TJP1: variants seen among roughly 807,000 people sequenced by gnomAD.
TJP1 encodes the protein tight junction protein 1, also known as tight junction protein ZO-1.
Under a neutral mutation model 194.2 loss-of-function variants are expected in TJP1, and 43 were observed. The ratio of observed to expected loss-of-function variants is 0.22; its 90% CI spans 0.17 to 0.29. The LOEUF (loss-of-function observed/expected upper bound fraction) is 0.29, where lower values mean the gene tolerates loss of function less well. Ranked by LOEUF, TJP1 falls within the 10% of genes least tolerant of loss-of-function variation. The pLI is 1.00. For synonymous variants in TJP1, 801 were observed against 779.0 expected, an observed-to-expected ratio of 1.03 and a Z score of -0.47; for missense variants, 1,971 against 2,185.7, an observed-to-expected ratio of 0.90 and a Z score of 1.96.
intron 2 of TJP1, among the ~76,000 whole-genome samples, chr15:29,831,550 T>G (rs2050836733): frequency 6.6e-6 from 1 of 152,196 alleles, no homozygotes; most frequent in South Asian, 2.1e-4. Flanking sequence ...AGGGCCTATA[T>G]AGGAAAAGAG....
intron 1 of TJP1, among the ~76,000 whole-genome samples, chr15:29,818,958 T>C (rs1291553947): frequency 2.0e-5 from 3 of 149,734 alleles, no homozygotes; most frequent in African/African-American, 4.9e-5. Context: ...GCTGGGATTA[T>C]AGGCACGCGC....
At chr15:29,801,106 C>T (rs1350021007) in intron 1 of TJP1, among the ~76,000 whole-genome samples, 2 of 152,178 alleles carry the variant, frequency 1.3e-5, no homozygotes, top group African/African-American at 4.8e-5. Context: ...CCTCTGAACA[C>T]AGTAATTATA....
intron 23 of TJP1, 87 bp from the exon 24 acceptor site, chr15:29,711,087 T>TAAA: frequency 8.7e-7 from 1 of 1,152,884 alleles, no homozygotes; most frequent in Non-Finnish European, 1.2e-6. Context: ...ATCTCTAAGT[T>TAAA]AAAAAAAAAA....
chr15:29,951,566 T>C (rs1227236231), intron 2 of TJP1, among the ~76,000 whole-genome samples: 1 of 152,198 alleles, frequency 6.6e-6, no homozygotes, highest in Non-Finnish European at 1.5e-5. Context: ...AGCAGTGACA[T>C]GTGATTTATT....
At chr15:29,792,239 A>G (rs1442773845) in intron 2 of TJP1, among the ~76,000 whole-genome samples, 2 of 152,212 alleles carry the variant, frequency 1.3e-5, no homozygotes, top group Non-Finnish European at 2.9e-5. Context: ...TAGTAGTCTC[A>G]TAACTTCAGG....
At chr15:29,705,426 A>G in intron 26 of TJP1, 102 bp downstream of exon 26, 1 of 1,206,660 alleles carries the variant, frequency 8.3e-7, no homozygotes, top group Non-Finnish European at 1.2e-6. Flanking sequence ...TCATCTGGAG[A>G]TAGAGAGGTG....
intron 26 of TJP1, 123 bp from the exon 27 acceptor site, chr15:29,704,428 C>A: frequency 8.8e-7 from 1 of 1,133,232 alleles, no homozygotes; most frequent in South Asian, 2.8e-5. Flanking sequence ...TCTCTACAGT[C>A]GCACTGACCA....
chr15:29,780,913 A>C (rs967810084), intron 2 of TJP1, among the ~76,000 whole-genome samples: 1 of 152,122 alleles, frequency 6.6e-6, no homozygotes, highest in Non-Finnish European at 1.5e-5. Flanking sequence ...TACATTAACA[A>C]CCTAACATCA....
rs2042061255 is a variant in TJP1 at position 29,708,779 on chromosome 15, C to T, written c.4630G>A (p.Glu1544Lys). The change falls in exon 25 of 28, where the codon GAA (glutamate) becomes AAA (lysine). Residue 1544 changes from glutamate to lysine, a missense_variant. Glu to Lys is a moderately conservative substitution (Grantham distance 56). Transcript: ENST00000614355. ...AGATTGTGATTGAATTTAGGACTTT[C>T]AAACTTGCGTTCAAATGGTCGGGCA... ...SSARPFERKF[E>K]SPKFNHNLLP... 6.2e-7 allele frequency: 1 copy of T among 1,614,076 alleles called. No individual in the cohort carries two copies. Among genetic ancestry groups the T allele is most frequent in the African/African-American group, 1.3e-5 (1 of 74,916 alleles).
At chr15:29,932,052 T>C (rs780955579) in intron 2 of TJP1, among the ~76,000 whole-genome samples, 60 of 152,198 alleles carry the variant, frequency 3.9e-4, no homozygotes, top group Non-Finnish European at 7.6e-4. Context: ...GCTTCTTTAC[T>C]GCAACCTGTT....
chr15:29,745,385 C>T (rs753031695), intron 8 of TJP1, among the ~76,000 whole-genome samples: 5 of 149,048 alleles, frequency 3.4e-5, no homozygotes, highest in African/African-American at 1.2e-4. Flanking sequence ...ATAAAAAAAT[C>T]TTTTGTCAAT....
At chr15:29,816,225 G>T (rs185360456) in intron 1 of TJP1, among the ~76,000 whole-genome samples, 1 of 151,836 alleles carries the variant, frequency 6.6e-6, no homozygotes, top group African/African-American at 2.4e-5. Flanking sequence ...ACGGGGTTTC[G>T]GCCGTGTTGG....
At chr15:29,735,814 A>AG in intron 11 of TJP1, among the ~76,000 whole-genome samples, 1 of 152,260 alleles carries the variant, frequency 6.6e-6, no homozygotes. Context: ...ATAGGTCTGA[A>AG]GTCACCATGA....
chr15:29,704,004 T>G lies in TJP1; in HGVS notation c.5212+158A>C, dbSNP rs1422824314. On this transcript the variant is annotated intron_variant, in intron 27 of 27. Coordinates refer to ENST00000614355, the MANE Select transcript of TJP1 (RefSeq NM_001330239.4). The stretch of plus-strand genomic sequence containing the variant: ...CCTTTCCATATTTATTTACAATATA[T>G]GCACCACAAATAAATGTGAAAACAC... Among the ~76,000 whole-genome samples the G allele has an allele frequency of 4.6e-5, 7 of 152,182 alleles. No individual in the cohort carries two copies. The South Asian group carries it at 1.4e-3, about 31-fold the overall frequency.
intron 2 of TJP1, among the ~76,000 whole-genome samples, chr15:29,857,863 G>C (rs1290894399): frequency 6.6e-6 from 1 of 152,176 alleles, no homozygotes; most frequent in Admixed American, 6.5e-5. Context: ...CTGGGTTCAA[G>C]CAATTCTCCT....
chr15:29,800,694 T>C lies in TJP1; in HGVS notation c.36A>G (p.Ala12=), dbSNP rs1263232648. 1.9e-6 allele frequency: 3 copies of C among 1,613,728 alleles called. No individual in the cohort carries two copies. The South Asian group carries it at 3.3e-5, about 18-fold the overall frequency. ...GTTCCCATATAGCTGTTTCCTCCAT[T>C]GCTGTGCTCTGATAAAGGAAAAGAA... ...SARAAAAKST[A]MEETAIWEQH... The change falls in exon 2 of 28, where the codon GCA becomes GCG. Residue 12 remains alanine (A), a synonymous_variant. Transcript: ENST00000614355.
intron 11 of TJP1, among the ~76,000 whole-genome samples, chr15:29,736,247 A>G (rs541772880): frequency 1.3e-5 from 2 of 152,338 alleles, no homozygotes; most frequent in East Asian, 3.9e-4. Context: ...CAATGATTGA[A>G]AAGAAAACAG....
At chr15:29,854,408 T>C (rs1055744783) in intron 2 of TJP1, among the ~76,000 whole-genome samples, 2 of 152,116 alleles carry the variant, frequency 1.3e-5, no homozygotes, top group African/African-American at 4.8e-5. Context: ...GGGCCCTATG[T>C]CCAATGATAA....
At chr15:29,738,879 A>AAAG (rs2044209610) in intron 10 of TJP1, among the ~76,000 whole-genome samples, 2 of 149,948 alleles carry the variant, frequency 1.3e-5, no homozygotes, top group Admixed American at 1.3e-4. Flanking sequence ...AAAAAAAAAA[A>AAAG]AAAAAAAAAA....
Sources: allele counts gnomAD v4.1 joint callset (sites outside exome capture counted in the v4.1 genomes callset), GRCh38; gene constraint gnomAD v4.1.1; transcripts MANE v1.5; gene names NCBI Gene and HGNC (gene_info 2026-07-23, HGNC 2026-07-21).